The following GREB1L variants were observed in gnomAD, a reference collection of about 807,000 sequenced individuals.
The protein encoded by GREB1L is GREB1 like retinoic acid receptor coactivator.
Under a neutral mutation model 200.8 loss-of-function variants are expected in GREB1L, and 17 were observed. The observed-to-expected ratio is 0.08, with a 90% CI of 0.06 to 0.13. GREB1L has a LOEUF of 0.13. Among genes scored for constraint, GREB1L ranks in the 10% least tolerant of loss-of-function variants. The pLI, the probability that GREB1L is intolerant of heterozygous loss-of-function variation, is 1.00. For missense variants in GREB1L, 1,657 were observed against 2,367.7 expected, an observed-to-expected ratio of 0.70 and a Z score of 6.23; for synonymous variants, 789 against 893.0, an observed-to-expected ratio of 0.88 and a Z score of 2.08.
rs1165045363 is a variant in GREB1L, at chr18:21,327,640, T to G, written c.-119-38387T>G. On this transcript the variant is annotated intron_variant, in intron 1 of 32. Coordinates refer to ENST00000424526, the MANE Select transcript of GREB1L (RefSeq NM_001142966.3). ...TTGAGTACAGTCTTCAAGGACTCCC[T>G]TTTATCTGTTAAAAAAAAAAAAAGG... 3.3e-5 allele frequency among the ~76,000 whole-genome samples: 5 copies of G among 151,578 alleles called. No homozygotes were observed. The East Asian group carries it at 9.7e-4, about 29-fold the overall frequency.
chr18:21,422,005 A>C (rs2032195366), intron 7 of GREB1L, among the ~76,000 whole-genome samples: 1 of 152,186 alleles, frequency 6.6e-6, no homozygotes, highest in African/African-American at 2.4e-5. Flanking sequence ...CTAGTGGGAG[A>C]AACAAGAAGT....
At chr18:21,403,446 T>C (rs1374206217) in intron 6 of GREB1L, among the ~76,000 whole-genome samples, 3 of 152,194 alleles carry the variant, frequency 2.0e-5, no homozygotes, top group African/African-American at 7.2e-5. Context: ...GAGAAGAGAA[T>C]AGGTTATAGG....
chr18:21,243,403 A>G (rs1239808888), intron 1 of GREB1L, among the ~76,000 whole-genome samples: 1 of 152,172 alleles, frequency 6.6e-6, no homozygotes, highest in Non-Finnish European at 1.5e-5. Context: ...CAAGGTCCTT[A>G]TCCTCCCCAC....
intron 2 of GREB1L, among the ~76,000 whole-genome samples, chr18:21,368,251 G>T (rs2039746705): frequency 6.6e-6 from 1 of 152,106 alleles, no homozygotes; most frequent in African/African-American, 2.4e-5. Context: ...TTTTCTCAAG[G>T]TTAAAGCACC....
chr18:21,344,134 G>A (rs574356078), intron 1 of GREB1L, among the ~76,000 whole-genome samples: 9 of 152,272 alleles, frequency 5.9e-5, no homozygotes, highest in Admixed American at 3.3e-4. Flanking sequence ...GGGTGCGGTG[G>A]CTCACGCCTG....
chr18:21,287,793 CTTTTT>C (rs534899512), intron 1 of GREB1L, among the ~76,000 whole-genome samples: 1 of 133,310 alleles, frequency 7.5e-6, no homozygotes. Flanking sequence ...AGTTTAAAAT[CTTTTT>C]TTTTTTTTTT....
chr18:21,287,722 C>T (rs560968786), intron 1 of GREB1L, among the ~76,000 whole-genome samples: 58 of 151,716 alleles, frequency 3.8e-4, no homozygotes, highest in African/African-American at 1.4e-3. Flanking sequence ...AATAGGTTTT[C>T]GCAGCCTGTG....
At chr18:21,335,272 T>TG (rs1178332750) in intron 1 of GREB1L, among the ~76,000 whole-genome samples, 2 of 152,236 alleles carry the variant, frequency 1.3e-5, no homozygotes, top group African/African-American at 4.8e-5. Context: ...TTTTTGAGTA[T>TG]GGATACATGA....
chr18:21,374,452 A>G (rs992474330), intron 2 of GREB1L, among the ~76,000 whole-genome samples: 12 of 152,228 alleles, frequency 7.9e-5, no homozygotes, highest in Non-Finnish European at 1.8e-4. Context: ...CAATCAGAGT[A>G]TAGGAAGTGC....
intron 17 of GREB1L, among the ~76,000 whole-genome samples, chr18:21,479,284 A>G (rs1016143397): frequency 6.6e-6 from 1 of 152,206 alleles, no homozygotes; most frequent in Non-Finnish European, 1.5e-5. Flanking sequence ...GTCTTTTCCG[A>G]AAGGGATCAC....
At chr18:21,462,159 A>G (rs906792644) in intron 15 of GREB1L, among the ~76,000 whole-genome samples, 2 of 152,224 alleles carry the variant, frequency 1.3e-5, no homozygotes, top group Admixed American at 6.5e-5. Flanking sequence ...TAGTACCACC[A>G]TCAGTGCCGC....
chr18:21,505,496 T>C lies in GREB1L; in HGVS notation c.4157T>C (p.Val1386Ala). The C allele has an allele frequency of 6.4e-7, 1 of 1,551,654 alleles. No individual in the cohort carries two copies. ...IESFSKMPFD[V>A]SVHDPKYSLM... ...AGCTTCAGTAAAATGCCTTTTGATG[T>C]CAGTGTGCATGACCCCAAGTACAGT... Residue 1386 changes from valine (V) to alanine (A), a missense_variant, in exon 24 of 33, where the codon GTC (valine) becomes GCC (alanine). Transcript: ENST00000424526.
intron 1 of GREB1L, among the ~76,000 whole-genome samples, chr18:21,273,592 T>C (rs967462292): frequency 1.3e-5 from 2 of 152,352 alleles, no homozygotes. Context: ...TTTTATTCGT[T>C]GGGATGAGGG....
Position 21,441,478 on chromosome 18 carries a change from C to A in GREB1L, c.1148C>A (p.Thr383Asn). 6.4e-7 allele frequency: 1 copy of A among 1,551,470 alleles called. No individual in the cohort carries two copies. Among genetic ancestry groups the A allele is most frequent in the Non-Finnish European group, 8.7e-7 (1 of 1,146,784 alleles). ...LQPRPIPAGE[T>N]VIVPENLLSN... ...CCCAGGCCCATTCCTGCAGGGGAAACTGTAATTGTTCCTGAAAACCTGCTG... is the reference window on the plus strand; with the variant it reads ...CCCAGGCCCATTCCTGCAGGGGAAAATGTAATTGTTCCTGAAAACCTGCTG... Residue 383 changes from threonine to asparagine, a missense_variant, in exon 10 of 33, where the codon ACT becomes AAT. Coordinates refer to ENST00000424526, the MANE Select transcript of GREB1L (RefSeq NM_001142966.3).
chr18:21,422,963 C>G (rs2032275965), intron 7 of GREB1L, among the ~76,000 whole-genome samples: 1 of 151,940 alleles, frequency 6.6e-6, no homozygotes, highest in South Asian at 2.1e-4. Context: ...CGGAGTCTTG[C>G]TCTGTTGCCT....
rs532314969 is a variant in GREB1L, at chr18:21,331,846, T to G, written c.-119-34181T>G. Among the ~76,000 whole-genome samples, 4 of 152,338 alleles carry G rather than the reference T, an allele frequency of 2.6e-5. No homozygotes were observed. The South Asian group carries it at 8.3e-4, about 32-fold the overall frequency. ...TAACAAGGCAATGAATTCTATAATC[T>G]GAAAAGGTATCTTTAAAAAATTCAC... On this transcript the variant is annotated intron_variant, in intron 1 of 32. Transcript: ENST00000424526.
intron 15 of GREB1L, among the ~76,000 whole-genome samples, chr18:21,467,955 G>A (rs2035328578): frequency 6.6e-6 from 1 of 151,378 alleles, no homozygotes; most frequent in Non-Finnish European, 1.5e-5. Context: ...AACCCGGGAG[G>A]TGGAGCTCAC....
chr18:21,504,847 G>A (rs2036947878), intron 23 of GREB1L, among the ~76,000 whole-genome samples: 2 of 152,140 alleles, frequency 1.3e-5, no homozygotes, highest in African/African-American at 4.8e-5. Context: ...GGTAGGGCCA[G>A]GATTCACACC....
At chr18:21,414,471 A>G (rs2031421439) in intron 7 of GREB1L, among the ~76,000 whole-genome samples, 3 of 152,350 alleles carry the variant, frequency 2.0e-5, no homozygotes, top group Non-Finnish European at 4.4e-5. Flanking sequence ...AGGTTAGTAG[A>G]AAATGTCTGC....
Sources: gnomAD v4.1 joint callset for allele counts (sites outside exome capture counted in the v4.1 genomes callset) on GRCh38, gnomAD v4.1.1 for gene constraint, MANE v1.5 for transcripts, NCBI Gene and HGNC (gene_info 2026-07-23, HGNC 2026-07-21) for gene names.